The following WLS variants were observed in gnomAD, a reference collection of about 807,000 sequenced individuals.
The protein encoded by WLS is protein wntless homolog.
WLS carries 23 observed loss-of-function variants against 62.8 expected under a neutral mutation model. The ratio of observed to expected loss-of-function variants is 0.37; its 90% CI spans 0.26 to 0.52. The LOEUF (loss-of-function observed/expected upper bound fraction) is 0.52. Among genes scored for constraint, WLS ranks in the 20% least tolerant of loss-of-function variants. The pLI is 0.92. For missense variants in WLS, 615 were observed against 697.3 expected (o/e 0.88, Z 1.33); for synonymous variants, 246 against 244.1 (o/e 1.01, Z -0.07).
At chr1:68,232,085 A>G in intron 1 of WLS, 109 bp downstream of exon 1, 2 of 1,435,484 alleles carry the variant, frequency 1.4e-6, no homozygotes, top group Non-Finnish European at 1.9e-6. Context: ...CGGACTAATT[A>G]GATCATAGAA....
chr1:68,112,158 T>TG, intron 11 of WLS, among the ~76,000 whole-genome samples: 2 of 152,210 alleles, frequency 1.3e-5, no homozygotes, highest in Non-Finnish European at 2.9e-5. Context: ...GAAGTCCCTC[T>TG]GGGAGAAGGC....
chr1:68,198,656 C>T (rs1323207201), intron 1 of WLS, among the ~76,000 whole-genome samples: 1 of 152,050 alleles, frequency 6.6e-6, no homozygotes, highest in African/African-American at 2.4e-5. Flanking sequence ...ACCTGATAGG[C>T]ACCAACCATA....
intron 2 of WLS, among the ~76,000 whole-genome samples, chr1:68,185,737 T>C (rs1465450386): frequency 6.6e-6 from 1 of 152,198 alleles, no homozygotes; most frequent in Non-Finnish European, 1.5e-5. Flanking sequence ...AGGATGGCTA[T>C]GATAAGGCAC....
intron 2 of WLS, among the ~76,000 whole-genome samples, chr1:68,182,568 A>T (rs531852442): frequency 6.6e-6 from 1 of 152,352 alleles, no homozygotes; most frequent in East Asian, 1.9e-4. Flanking sequence ...CATACTGGTA[A>T]CTTCCAGGTT....
intron 1 of WLS, among the ~76,000 whole-genome samples, chr1:68,225,428 A>C (rs1486401001): frequency 6.6e-6 from 1 of 152,132 alleles, no homozygotes; most frequent in African/African-American, 2.4e-5. Flanking sequence ...CACATTTATT[A>C]GGCCACCATC....
At chr1:68,186,552 ATTG>A in intron 2 of WLS, 1 of 453,292 alleles carries the variant, frequency 2.2e-6, no homozygotes, top group Non-Finnish European at 4.4e-6. Context: ...ATGAAGTAAT[ATTG>A]TTACAGGTGA....
At chr1:68,105,066 A>G (rs1046701275) in intron 11 of WLS, among the ~76,000 whole-genome samples, 5 of 152,184 alleles carry the variant, frequency 3.3e-5, no homozygotes, top group African/African-American at 2.4e-5. Context: ...GCTCTAATTT[A>G]TCCAGACCAG....
intron 11 of WLS, among the ~76,000 whole-genome samples, chr1:68,134,804 G>A (rs1419600533): frequency 1.3e-5 from 2 of 152,222 alleles, no homozygotes; most frequent in Non-Finnish European, 2.9e-5. Context: ...TTGAGGAAGA[G>A]TGAAGTGCTT....
intron 9 of WLS, 33 bp downstream of exon 9, chr1:68,145,836 C>G (rs1386221286): frequency 6.2e-7 from 1 of 1,612,926 alleles, no homozygotes; most frequent in Non-Finnish European, 8.5e-7. Context: ...CAAGCAAGCA[C>G]CAGTTCCAGA....
intron 1 of WLS, among the ~76,000 whole-genome samples, chr1:68,194,591 A>T (rs1444709696): frequency 2.0e-5 from 3 of 152,204 alleles, no homozygotes; most frequent in African/African-American, 7.2e-5. Flanking sequence ...ACAGTATCTA[A>T]AGTCAGAAGA....
chr1:68,220,698 A>G (rs889487363), intron 1 of WLS, among the ~76,000 whole-genome samples: 33 of 152,318 alleles, frequency 2.2e-4, no homozygotes, highest in Admixed American at 5.9e-4. Context: ...GCCAACACTT[A>G]TTTTTATAGC....
chr1:68,213,708 AT>A (rs1447258468), intron 1 of WLS, among the ~76,000 whole-genome samples: 1 of 152,002 alleles, frequency 6.6e-6, no homozygotes, highest in African/African-American at 2.4e-5. Context: ...AAATTATCTG[AT>A]CTAAAAAATG....
intron 2 of WLS, among the ~76,000 whole-genome samples, chr1:68,163,318 G>C (rs560158818): frequency 1.4e-4 from 22 of 152,264 alleles, no homozygotes; most frequent in Admixed American, 9.2e-4. Flanking sequence ...TGAAACCCTC[G>C]TCCCGGACGG....
intron 10 of WLS, chr1:68,142,485 G>C (rs774272840): frequency 6.6e-6 from 1 of 152,288 alleles, no homozygotes; most frequent in Non-Finnish European, 1.5e-5. Flanking sequence ...TTTGGTCATA[G>C]GAGGGAATAG....
rs1244195134 is a variant in WLS at position 68,145,893 on chromosome 1, G to T, written c.1254C>A (p.Ser418Arg). 1 of 1,614,172 alleles carries T rather than the reference G, an allele frequency of 6.2e-7. No homozygotes were observed. The highest frequency in any genetic ancestry group is 1.7e-5 in the Admixed American group (1 of 60,024). The change falls in exon 9 of 12, where the codon AGC (serine) becomes AGA (arginine). Residue 418 changes from serine (S) to arginine (R), a missense_variant. Transcript: ENST00000262348. ...SGKQSSLPAM[S>R]KVRRLHYEGL... Reference sequence around the variant, plus strand: ...CCTCATAGTGTAGCCGCCGGACTTTGCTCATAGCTGGCAGGCTGGACTGCT... The same window carrying T: ...CCTCATAGTGTAGCCGCCGGACTTTTCTCATAGCTGGCAGGCTGGACTGCT...
chr1:68,192,674 G>A (rs1648382354), intron 2 of WLS, among the ~76,000 whole-genome samples: 1 of 150,120 alleles, frequency 6.7e-6, no homozygotes, highest in Non-Finnish European at 1.5e-5. Context: ...GAACCCAGGA[G>A]TTCGAGGATG....
At chr1:68,120,715 T>C (rs1557453811), downstream of WLS, among the ~76,000 whole-genome samples, 3 of 130,976 alleles carry the variant, frequency 2.3e-5, no homozygotes, top group African/African-American at 8.5e-5. Context: ...TGTGTGTGTG[T>C]GTGCGCGCGC....
At chr1:68,135,743 C>T (rs1488570676) in intron 11 of WLS, among the ~76,000 whole-genome samples, 1 of 152,120 alleles carries the variant, frequency 6.6e-6, no homozygotes, top group Non-Finnish European at 1.5e-5. Flanking sequence ...CTTCAGTGTC[C>T]CCCACAGGAT....
chr1:68,099,059 A>T (rs1282018347), intron 11 of WLS, among the ~76,000 whole-genome samples: 3 of 152,140 alleles, frequency 2.0e-5, no homozygotes, highest in African/African-American at 7.2e-5. Context: ...ACGTGTATCT[A>T]GTTCATCTTA....
Sources: gnomAD v4.1 joint callset for allele counts (sites outside exome capture counted in the v4.1 genomes callset) on GRCh38, gnomAD v4.1.1 for gene constraint, MANE v1.5 for transcripts, NCBI Gene and HGNC (gene_info 2026-07-23, HGNC 2026-07-21) for gene names.